MYO16: variants seen among roughly 807,000 people sequenced by gnomAD.
MYO16 encodes the protein unconventional myosin-XVI.
Under a neutral mutation model 205.3 loss-of-function variants are expected in MYO16, and 94 were observed. That is an observed-to-expected ratio of 0.46 (90% CI 0.39 to 0.54). The LOEUF is 0.54. Ranked by LOEUF, MYO16 falls within the 20% of genes least tolerant of loss-of-function variation. MYO16 has a pLI of 0.00. For missense variants in MYO16, 2,315 were observed against 2,387.5 expected (o/e 0.97, Z 0.63); for synonymous variants, 988 against 954.0 (o/e 1.04, Z -0.66).
chr13:108,671,250 G>A (rs1357147397), intron 2 of MYO16, among the ~76,000 whole-genome samples: 1 of 152,124 alleles, frequency 6.6e-6, no homozygotes, highest in African/African-American at 2.4e-5. Context: ...GGAACAACAG[G>A]AAGCAGACAA....
At chr13:109,199,210 A>G (rs1319907587) in intron 34 of MYO16, among the ~76,000 whole-genome samples, 1 of 58,636 alleles carries the variant, frequency 1.7e-5, no homozygotes, top group African/African-American at 6.9e-5. Context: ...ATATATATAT[A>G]TATATATATA....
chr13:108,778,259 C>T (rs918030024), intron 4 of MYO16, among the ~76,000 whole-genome samples: 2 of 152,208 alleles, frequency 1.3e-5, no homozygotes, highest in East Asian at 3.9e-4. Context: ...GACATCTCCT[C>T]AGTCACAGGA....
At chr13:108,649,355 T>C (rs939222680) in intron 1 of MYO16, among the ~76,000 whole-genome samples, 9 of 152,208 alleles carry the variant, frequency 5.9e-5, no homozygotes, top group Admixed American at 3.9e-4. Flanking sequence ...CTCAGCCCAG[T>C]TCAGATTTCC....
At chr13:108,845,183 G>GT (rs1443292911) in intron 10 of MYO16, among the ~76,000 whole-genome samples, 19 of 152,042 alleles carry the variant, frequency 1.2e-4, no homozygotes, top group Admixed American at 1.2e-3. Flanking sequence ...TTTTAGCCAG[G>GT]TTTTCTAAAG....
chr13:109,137,218 A>G (rs1226421153), intron 31 of MYO16, among the ~76,000 whole-genome samples: 1 of 152,146 alleles, frequency 6.6e-6, no homozygotes, highest in Non-Finnish European at 1.5e-5. Context: ...CTACCTAGAC[A>G]TGTGTCCCAA....
chr13:109,083,228 C>T (rs1318726068), intron 27 of MYO16, among the ~76,000 whole-genome samples: 2 of 151,102 alleles, frequency 1.3e-5, no homozygotes, highest in African/African-American at 2.4e-5. Flanking sequence ...ACTAAAAATA[C>T]AAAAATTAGC....
At chr13:109,196,568 G>C (rs535969015) in intron 34 of MYO16, among the ~76,000 whole-genome samples, 2 of 152,270 alleles carry the variant, frequency 1.3e-5, no homozygotes, top group East Asian at 3.9e-4. Flanking sequence ...ACATAATCCT[G>C]TCTTAAGAGC....
chr13:108,650,784 G>T (rs1030583637), intron 1 of MYO16, among the ~76,000 whole-genome samples: 1 of 152,100 alleles, frequency 6.6e-6, no homozygotes, highest in Non-Finnish European at 1.5e-5. Context: ...GTGGAGGCAT[G>T]GTGTTTAGAA....
At chr13:109,088,070 G>T (rs114366290) in intron 27 of MYO16, among the ~76,000 whole-genome samples, 303 of 152,314 alleles carry the variant, frequency 2.0e-3, no homozygotes, top group African/African-American at 7.0e-3. Flanking sequence ...GAGCATGCGT[G>T]ATCAAATCAG....
In MYO16 at chr13:108,760,434, T is replaced by G. The variant is rs184305026; in HGVS notation, c.508-25201T>G. Among the ~76,000 whole-genome samples the G allele has an allele frequency of 5.2e-3, 787 of 152,144 alleles. 4 individuals carry two copies. Among genetic ancestry groups the G allele is most frequent in the African/African-American group, 0.018 (743 of 41,474 alleles). On this transcript the variant is annotated intron_variant, in intron 4 of 34. Coordinates refer to ENST00000457511, the MANE Select transcript of MYO16 (RefSeq NM_001198950.3). ...CTTATAAATCTATTCCATATCTGCT[T>G]CTTCTTGGCTGACAGTAAATCCTTA...
chr13:109,064,286 A>G (rs1254682762), intron 27 of MYO16, among the ~76,000 whole-genome samples: 6 of 152,142 alleles, frequency 3.9e-5, no homozygotes, highest in Admixed American at 1.3e-4. Flanking sequence ...TTAGACCATA[A>G]AAGGGGTTTG....
Position 108,650,490 on chromosome 13 carries a change from T to C in MYO16, c.29-15396T>C, listed in dbSNP as rs539813802. 3.0e-4 allele frequency among the ~76,000 whole-genome samples: 45 copies of C among 152,308 alleles called. No homozygotes were observed. In the South Asian group the frequency reaches 9.3e-3, roughly 32 times the overall value. On this transcript the variant is annotated intron_variant, in intron 1 of 34. Coordinates refer to ENST00000457511, the MANE Select transcript of MYO16 (RefSeq NM_001198950.3). ...TGGCAGGAACAGTGAGCTGAGTCTC[T>C]TCCAACCGGAATTGAAGATGTTGAT...
rs764231350 is a variant in MYO16, at chr13:108,883,155, C to T, written c.1522C>T (p.Arg508Trp). The T allele has an allele frequency of 3.1e-6, 5 of 1,613,868 alleles. No homozygotes were observed. Among genetic ancestry groups the T allele is most frequent in the South Asian group, 1.1e-5 (1 of 91,026 alleles). Residue 508 changes from arginine to tryptophan, a missense_variant, in exon 13 of 35, where the codon CGG (arginine) becomes TGG (tryptophan). Arg to Trp is a moderately radical substitution (Grantham distance 101, BLOSUM62 -3). Around this residue, in one of 3 missense-constraint regions of MYO16, gnomAD observed 1,213 missense variants for 1,274.4 expected, o/e 0.95. Coordinates refer to ENST00000457511, the MANE Select transcript of MYO16 (RefSeq NM_001198950.3). ...CVERAFHQLF[R>W]EQRPQCFILS... is the part of the protein sequence containing the mutation. ...GGAGAGAGCCTTTCACCAGCTCTTC[C>T]GGGAACAGCGGCCTCAGTGTTTCAT...
chr13:108,603,536 T>C (rs1376893461), intron 1 of MYO16, among the ~76,000 whole-genome samples: 1 of 152,178 alleles, frequency 6.6e-6, no homozygotes, highest in Admixed American at 6.6e-5. Flanking sequence ...GATAGTTCAT[T>C]GTCTTTACAT....
At chr13:109,014,574 G>A (rs552325136) in intron 22 of MYO16, among the ~76,000 whole-genome samples, 5 of 152,218 alleles carry the variant, frequency 3.3e-5, no homozygotes, top group Admixed American at 6.5e-5. Context: ...CCATTTTCAC[G>A]ATATTGATTC....
At chr13:109,084,894 G>T (rs1380786490) in intron 27 of MYO16, among the ~76,000 whole-genome samples, 1 of 152,144 alleles carries the variant, frequency 6.6e-6, no homozygotes, top group South Asian at 2.1e-4. Context: ...GAGTGATAAA[G>T]TAGAAGGAGC....
intron 32 of MYO16, among the ~76,000 whole-genome samples, chr13:109,151,905 C>T (rs555988605): frequency 6.6e-6 from 1 of 152,226 alleles, no homozygotes; most frequent in East Asian, 1.9e-4. Flanking sequence ...GTTACATTCC[C>T]TTAACTTCAG....
At chr13:109,112,980 G>A (rs1167502065) in intron 28 of MYO16, among the ~76,000 whole-genome samples, 1 of 152,120 alleles carries the variant, frequency 6.6e-6, no homozygotes, top group Non-Finnish European at 1.5e-5. Context: ...ACACAAATAA[G>A]AAGAAAACCA....
At position 109,197,572 on chromosome 13, in the gene MYO16, C is replaced by T. The variant is rs186642057; in HGVS notation, c.5416-9037C>T. 5.8e-4 allele frequency among the ~76,000 whole-genome samples: 89 copies of T among 152,312 alleles called. 1 individual carries two copies. The highest frequency in any genetic ancestry group is 6.8e-3 in the Middle Eastern group (2 of 294). Reference sequence around the variant, plus strand: ...ATTTACTCATTTTAGGCTCCAAGGACACCATAGTCTTGTGAGGCAGTAACT... The same window carrying T: ...ATTTACTCATTTTAGGCTCCAAGGATACCATAGTCTTGTGAGGCAGTAACT... On this transcript the variant is annotated intron_variant, in intron 34 of 34. Transcript: ENST00000457511.
Sources: gnomAD v4.1 joint callset for allele counts (sites outside exome capture counted in the v4.1 genomes callset) on GRCh38, gnomAD v4.1.1 for gene constraint, gnomAD v4.1.1 regional missense constraint, MANE v1.5 for transcripts, NCBI Gene and HGNC (gene_info 2026-07-23, HGNC 2026-07-21) for gene names.